The following FBXO4 variants were observed in gnomAD, a reference collection of about 807,000 sequenced individuals.
The protein encoded by FBXO4 is F-box protein 4, also known as F-box only protein 4.
Under a neutral mutation model 43.7 loss-of-function variants are expected in FBXO4, and 36 were observed. That is an observed-to-expected ratio of 0.82 (90% CI 0.63 to 1.09). FBXO4 has a LOEUF of 1.09. FBXO4 is among the 50% of genes least tolerant of loss of function. The pLI is 0.00. For synonymous variants in FBXO4, 180 were observed against 165.6 expected (o/e 1.09, Z -0.67); for missense variants, 435 against 474.1 (o/e 0.92, Z 0.77).
chr5:41,980,194 A>C, the FBXO4 span, among the ~76,000 whole-genome samples: 1 of 152,234 alleles, frequency 6.6e-6, no homozygotes, highest in Non-Finnish European at 1.5e-5. Flanking sequence ...TTAAATAAAA[A>C]AATTACAGAA....
chr5:41,942,330 A>G (rs1277705113), downstream of FBXO4, among the ~76,000 whole-genome samples: 1 of 152,096 alleles, frequency 6.6e-6, no homozygotes, highest in Non-Finnish European at 1.5e-5. Context: ...AGGCATTATT[A>G]ATATTTCTAA....
the FBXO4 span, among the ~76,000 whole-genome samples, chr5:41,949,961 G>C: frequency 2.0e-5 from 3 of 152,258 alleles, no homozygotes. Context: ...ACAAGCAATA[G>C]GGAAAGGATT....
chr5:41,962,748 C>T, the FBXO4 span, among the ~76,000 whole-genome samples: 1 of 152,202 alleles, frequency 6.6e-6, no homozygotes, highest in South Asian at 2.1e-4. Context: ...CCCAATATTT[C>T]TCATGAGTAC....
the FBXO4 span, chr5:41,968,100 C>A: frequency 5.8e-6 from 2 of 343,526 alleles, no homozygotes; most frequent in South Asian, 2.4e-5. Context: ...GGGTTCTTCC[C>A]AAGAACCCCA....
chr5:41,927,043 C>A lies in FBXO4; in HGVS notation c.220C>A (p.Leu74Ile), dbSNP rs1318519199. 2 of 1,611,878 alleles carry A rather than the reference C, an allele frequency of 1.2e-6. No homozygotes were observed. The highest frequency in any genetic ancestry group is 1.7e-6 in the Non-Finnish European group (2 of 1,179,300). ...IDVQLYILSF[L>I]SPHDLCQLGS... The stretch of plus-strand genomic sequence containing the variant: ...TGTACAGCTATATATTTTGTCCTTT[C>A]TTTCACCTCATGATCTGTGTCAGTT... Residue 74 changes from leucine to isoleucine, a missense_variant, in exon 2 of 7, where the codon CTT (leucine) becomes ATT (isoleucine). Physicochemically the swap from Leu to Ile is conservative, Grantham distance 5. Transcript: ENST00000281623.
rs201679828 is a variant in FBXO4, at chr5:41,929,847, T to G, written c.576T>G (p.Ser192=). ...CAGGTTTGGAAGAATTGAATACCTCTTTGGTGTTGAGCTTGATGTCTTCAG... is the reference window on the plus strand; with the variant it reads ...CAGGTTTGGAAGAATTGAATACCTCGTTGGTGTTGAGCTTGATGTCTTCAG... ...FGPGLEELNT[S]LVLSLMSSEE... The change falls in exon 3 of 7, where the codon TCT becomes TCG. Residue 192 remains serine, a synonymous_variant. Transcript: ENST00000281623. 5.6e-6 allele frequency: 9 copies of G among 1,614,152 alleles called. No homozygotes were observed. The highest frequency in any genetic ancestry group is 7.6e-6 in the Non-Finnish European group (9 of 1,180,018).
chr5:41,985,919 C>T, the FBXO4 span, among the ~76,000 whole-genome samples: 2 of 151,916 alleles, frequency 1.3e-5, no homozygotes, highest in Admixed American at 6.6e-5. Flanking sequence ...CAGGAAAAGT[C>T]GAACTGTTAA....
At chr5:41,986,581 C>T in the FBXO4 span, among the ~76,000 whole-genome samples, 2 of 152,144 alleles carry the variant, frequency 1.3e-5, no homozygotes, top group Admixed American at 6.5e-5. Flanking sequence ...TATTTATCTA[C>T]TAAACACAGA....
the FBXO4 span, among the ~76,000 whole-genome samples, chr5:41,985,055 T>C: frequency 9.2e-5 from 14 of 152,316 alleles, no homozygotes; most frequent in African/African-American, 1.9e-4. Flanking sequence ...CTTGCCTAGA[T>C]TGGACAACAA....
At chr5:41,993,558 A>G in the FBXO4 span, among the ~76,000 whole-genome samples, 1 of 151,434 alleles carries the variant, frequency 6.6e-6, no homozygotes, top group Admixed American at 6.6e-5. Flanking sequence ...TATTCATCCC[A>G]TATAACTGAA....
At chr5:41,974,107 T>C in the FBXO4 span, among the ~76,000 whole-genome samples, 1 of 152,226 alleles carries the variant, frequency 6.6e-6, no homozygotes, top group Non-Finnish European at 1.5e-5. Context: ...CGTATGTATG[T>C]ATCCTCCTTT....
intron 1 of FBXO4, among the ~76,000 whole-genome samples, chr5:41,926,554 C>T (rs1338764047): frequency 3.3e-5 from 5 of 152,164 alleles, no homozygotes; most frequent in African/African-American, 4.8e-5. Context: ...GCCTGGGCGA[C>T]AGAGCGAGAC....
At chr5:41,981,223 G>T in the FBXO4 span, among the ~76,000 whole-genome samples, 1 of 152,054 alleles carries the variant, frequency 6.6e-6, no homozygotes, top group Non-Finnish European at 1.5e-5. Flanking sequence ...ACCTGAGCTG[G>T]TATGATTTAA....
chr5:41,967,181 G>T, the FBXO4 span: 2 of 464,380 alleles, frequency 4.3e-6, no homozygotes, highest in South Asian at 1.9e-5. Context: ...AGCACTTTCC[G>T]TTCTTCAAGC....
intron 3 of FBXO4, chr5:41,930,132 TTTAAGA>T (rs1442014794): frequency 1.2e-5 from 6 of 493,350 alleles, no homozygotes; most frequent in African/African-American, 1.2e-4. Context: ...CAATCCAGCC[TTTAAGA>T]TTATGTGAAA....
the FBXO4 span, among the ~76,000 whole-genome samples, chr5:42,016,810 G>T: frequency 6.6e-6 from 1 of 151,906 alleles, no homozygotes; most frequent in African/African-American, 2.4e-5. Context: ...GATTGGCTGT[G>T]GTTACTCAAT....
chr5:42,022,147 C>A, the FBXO4 span, among the ~76,000 whole-genome samples: 6 of 152,110 alleles, frequency 3.9e-5, no homozygotes, highest in African/African-American at 1.4e-4. Flanking sequence ...CTGTGTGCAG[C>A]AGACTGTGTC....
chr5:41,964,983 C>T, the FBXO4 span, among the ~76,000 whole-genome samples: 1 of 152,116 alleles, frequency 6.6e-6, no homozygotes, highest in Non-Finnish European at 1.5e-5. Flanking sequence ...AATGGTATTG[C>T]CTAGGTTTTC....
At chr5:42,005,229 T>C in the FBXO4 span, among the ~76,000 whole-genome samples, 4 of 152,292 alleles carry the variant, frequency 2.6e-5, no homozygotes, top group African/African-American at 9.6e-5. Context: ...TGAAGCTCTT[T>C]CTAAGAAATT....
Sources: gnomAD v4.1 joint callset for allele counts (sites outside exome capture counted in the v4.1 genomes callset) on GRCh38, gnomAD v4.1.1 for gene constraint, MANE v1.5 for transcripts, NCBI Gene and HGNC (gene_info 2026-07-23, HGNC 2026-07-21) for gene names.